The following DEPTOR variants were observed in gnomAD, a reference collection of about 807,000 sequenced individuals.
DEPTOR encodes DEP domain-containing mTOR-interacting protein.
In DEPTOR, 41 loss-of-function variants were observed where a neutral mutation model predicts 41.6. That is an observed-to-expected ratio of 0.98 (90% CI 0.77 to 1.28). DEPTOR has a LOEUF of 1.28. Among genes scored for constraint, DEPTOR ranks in the 50% most tolerant of loss-of-function variants. The pLI is 0.00. For missense variants in DEPTOR, 514 were observed against 527.9 expected (o/e 0.97, Z 0.26); for synonymous variants, 195 against 192.3 (o/e 1.01, Z -0.12).
chr8:119,892,639 T>G lies in DEPTOR; in HGVS notation c.122+18671T>G, dbSNP rs1827466110. Among the ~76,000 whole-genome samples the G allele has an allele frequency of 3.3e-5, 5 of 152,336 alleles. No individual in the cohort carries two copies. In the South Asian group the frequency reaches 1.0e-3, roughly 32 times the overall value. On this transcript the variant is annotated intron_variant, in intron 1 of 8. Coordinates refer to ENST00000286234, the MANE Select transcript of DEPTOR (RefSeq NM_022783.4). ...GACTACAAAAGAGAGAAGCTCCAGT[T>G]AAACCCATTGAGAAGCATCTATGAA...
intron 1 of DEPTOR, among the ~76,000 whole-genome samples, chr8:119,891,789 G>T (rs775952991): frequency 6.6e-6 from 1 of 150,694 alleles, no homozygotes; most frequent in Non-Finnish European, 1.5e-5. Flanking sequence ...CACTCAGAGA[G>T]AGTCCCAGCC....
At chr8:119,918,549 C>T (rs1827845363) in intron 1 of DEPTOR, among the ~76,000 whole-genome samples, 1 of 152,124 alleles carries the variant, frequency 6.6e-6, no homozygotes, top group South Asian at 2.1e-4. Flanking sequence ...CAACCTCCGC[C>T]TCCTGGGTTC....
intron 5 of DEPTOR, among the ~76,000 whole-genome samples, chr8:120,001,956 C>T (rs1490243630): frequency 6.6e-6 from 1 of 151,998 alleles, no homozygotes; most frequent in African/African-American, 2.4e-5. Context: ...CTCACTCAAA[C>T]CTCATTTACT....
intron 1 of DEPTOR, among the ~76,000 whole-genome samples, chr8:119,902,123 T>C (rs188435117): frequency 1.1e-4 from 17 of 152,324 alleles, no homozygotes; most frequent in Admixed American, 9.8e-4. Context: ...AGTGATTATG[T>C]TGATTCCCAA....
intron 8 of DEPTOR, among the ~76,000 whole-genome samples, chr8:120,018,293 T>C (rs1470669468): frequency 6.6e-6 from 1 of 152,116 alleles, no homozygotes; most frequent in Non-Finnish European, 1.5e-5. Context: ...AATATGTAGT[T>C]ATAACCGGGC....
chr8:119,995,726 A>G (rs1812250279), intron 4 of DEPTOR, among the ~76,000 whole-genome samples: 1 of 152,186 alleles, frequency 6.6e-6, no homozygotes, highest in East Asian at 1.9e-4. Context: ...GGTATTGGTG[A>G]GCATAAAGAG....
At position 120,002,170 on chromosome 8, in the gene DEPTOR, C is replaced by T. The variant is rs141414642; in HGVS notation, c.790+460C>T. Among the ~76,000 whole-genome samples the T allele has an allele frequency of 3.3e-3, 503 of 152,234 alleles. 2 individuals are homozygous for T. The highest frequency in any genetic ancestry group is 0.011 in the African/African-American group (475 of 41,552). ...TTGTTTATTTGTTTAGACAGAGTCT[C>T]GCTCTGTTGCCCAGGCTAGAGTGCA... On this transcript the variant is annotated intron_variant, in intron 5 of 8. Transcript: ENST00000286234.
chr8:119,918,438 CTTTATTTATTTA>C (rs796881763), intron 1 of DEPTOR, among the ~76,000 whole-genome samples: 22 of 83,350 alleles, frequency 2.6e-4, no homozygotes, highest in African/African-American at 5.1e-4. Context: ...CATGGACCAC[CTTTATTTATTTA>C]TTTATTTATT....
chr8:119,883,690 G>A (rs945545540), intron 1 of DEPTOR, among the ~76,000 whole-genome samples: 1 of 152,080 alleles, frequency 6.6e-6, no homozygotes, highest in African/African-American at 2.4e-5. Context: ...TTATAGATCT[G>A]TTTGACTGTG....
chr8:119,968,071 G>A (rs1828585699), intron 4 of DEPTOR, among the ~76,000 whole-genome samples: 1 of 152,184 alleles, frequency 6.6e-6, no homozygotes, highest in South Asian at 2.1e-4. Flanking sequence ...GGGAAGCACA[G>A]TGCTGGTGTG....
intron 1 of DEPTOR, among the ~76,000 whole-genome samples, chr8:119,902,668 T>C (rs13253140): frequency 6.6e-6 from 1 of 151,924 alleles, no homozygotes; most frequent in South Asian, 2.1e-4. Context: ...CCAAGTTTCA[T>C]AGTTTCCTAA....
At chr8:119,917,784 G>A (rs1827833428) in intron 1 of DEPTOR, among the ~76,000 whole-genome samples, 1 of 152,148 alleles carries the variant, frequency 6.6e-6, no homozygotes, top group Admixed American at 6.5e-5. Context: ...CAGGAGGAAG[G>A]TATCTGTCTC....
rs773248170 is a variant in DEPTOR, at chr8:120,001,542, T to C, written c.622T>C (p.Phe208Leu). The C allele has an allele frequency of 3.7e-6, 6 of 1,611,818 alleles. No individual in the cohort carries two copies. The highest frequency in any genetic ancestry group is 5.1e-6 in the Non-Finnish European group (6 of 1,178,924). The part of the protein sequence containing the change: ...IIQHVSNKHP[F>L]VDSNLLYQFR... ...CTCCCCAGTGTCCAACAAGCACCCA[T>C]TTGTGGACAGCAATCTTCTCTACCA... Residue 208 changes from phenylalanine (F) to leucine (L), a missense_variant, in exon 5 of 9, where the codon TTT (phenylalanine) becomes CTT (leucine). By Grantham distance (22) the Phe-to-Leu change is conservative. Coordinates refer to ENST00000286234, the MANE Select transcript of DEPTOR (RefSeq NM_022783.4).
At chr8:120,016,785 G>A (rs1484926486) in intron 8 of DEPTOR, among the ~76,000 whole-genome samples, 2 of 151,448 alleles carry the variant, frequency 1.3e-5, no homozygotes, top group African/African-American at 2.4e-5. Context: ...TTTACTTTTT[G>A]TAGAGATGGA....
intron 3 of DEPTOR, among the ~76,000 whole-genome samples, chr8:119,931,269 G>A (rs1828040429): frequency 6.6e-6 from 1 of 152,072 alleles, no homozygotes; most frequent in Non-Finnish European, 1.5e-5. Flanking sequence ...TACAGTGGTT[G>A]GGGGTAAGGG....
intron 3 of DEPTOR, among the ~76,000 whole-genome samples, chr8:119,948,198 GT>G (rs1828306951): frequency 6.6e-6 from 1 of 152,156 alleles, no homozygotes; most frequent in South Asian, 2.1e-4. Context: ...CAACTTAAGA[GT>G]AAGGGCCACG....
intron 8 of DEPTOR, among the ~76,000 whole-genome samples, chr8:120,040,447 G>A (rs1391639934): frequency 6.6e-6 from 1 of 151,822 alleles, no homozygotes; most frequent in Non-Finnish European, 1.5e-5. Context: ...GTGGTGGTGG[G>A]CGCCTGTAGT....
At chr8:120,032,593 G>A (rs747610319) in intron 8 of DEPTOR, among the ~76,000 whole-genome samples, 4 of 152,190 alleles carry the variant, frequency 2.6e-5, no homozygotes, top group Non-Finnish European at 5.9e-5. Flanking sequence ...CTGTGACCTT[G>A]TTGGCTGGTG....
intron 1 of DEPTOR, among the ~76,000 whole-genome samples, chr8:119,923,797 C>A (rs1038115709): frequency 6.6e-6 from 1 of 151,154 alleles, no homozygotes; most frequent in Non-Finnish European, 1.5e-5. Context: ...GAAATTGTTT[C>A]TTGAATTGTG....
Sources: allele counts gnomAD v4.1 joint callset (sites outside exome capture counted in the v4.1 genomes callset), GRCh38; gene constraint gnomAD v4.1.1; transcripts MANE v1.5; gene names NCBI Gene and HGNC (gene_info 2026-07-23, HGNC 2026-07-21).